Variants in UNC13C observed in about 807,000 individuals in gnomAD.
UNC13C encodes protein unc-13 homolog C.
Under a neutral mutation model 245.4 loss-of-function variants are expected in UNC13C, and 174 were observed. The observed-to-expected ratio is 0.71, with a 90% confidence interval of 0.63 to 0.80. The LOEUF (loss-of-function observed/expected upper bound fraction) is 0.80. UNC13C is among the 30% of genes least tolerant of loss of function. The probability of loss-of-function intolerance (pLI) is 0.00; values close to 1 mark genes in which losing one functional copy is unlikely to be tolerated. For synonymous variants in UNC13C, 992 were observed against 895.1 expected (o/e 1.11, Z -1.93); for missense variants, 2,829 against 2,602.9 (o/e 1.09, Z -1.89).
intron 4 of UNC13C, among the ~76,000 whole-genome samples, chr15:54,154,068 A>T (rs1595919345): frequency 6.6e-6 from 1 of 151,994 alleles, no homozygotes; most frequent in East Asian, 1.9e-4. Flanking sequence ...TGTACTAGCT[A>T]TTTTGAAATA....
the UNC13C span, among the ~76,000 whole-genome samples, chr15:53,928,850 A>G: frequency 1.3e-5 from 2 of 152,224 alleles, no homozygotes; most frequent in Non-Finnish European, 1.5e-5. Flanking sequence ...ATAACCAACA[A>G]TTTCAAGAGA....
intron 4 of UNC13C, among the ~76,000 whole-genome samples, chr15:54,173,817 T>C (rs1016835546): frequency 6.6e-6 from 1 of 152,138 alleles, no homozygotes; most frequent in Non-Finnish European, 1.5e-5. Context: ...TTCAGGCTTT[T>C]AGCATTCGTG....
At chr15:54,362,226 G>A (rs1466738328) in intron 17 of UNC13C, among the ~76,000 whole-genome samples, 1 of 152,186 alleles carries the variant, frequency 6.6e-6, no homozygotes, top group Admixed American at 6.5e-5. Context: ...TTTCCAGTGG[G>A]ATGGAACTGG....
intron 1 of UNC13C, among the ~76,000 whole-genome samples, chr15:53,989,830 G>T (rs1403859057): frequency 6.6e-6 from 1 of 151,990 alleles, no homozygotes; most frequent in South Asian, 2.1e-4. Flanking sequence ...TTAAAAGGGG[G>T]CTAATCCTAA....
At chr15:54,622,452 C>A (rs749318105) in intron 31 of UNC13C, 33 bp downstream of exon 31, 28 of 1,467,472 alleles carry the variant, frequency 1.9e-5, no homozygotes, top group Admixed American at 3.4e-5. Flanking sequence ...TCAAAACAGC[C>A]TTCTAAACTT....
intron 2 of UNC13C, among the ~76,000 whole-genome samples, chr15:54,110,219 G>T (rs1448251872): frequency 6.6e-6 from 1 of 151,814 alleles, no homozygotes; most frequent in Non-Finnish European, 1.5e-5. Context: ...GGCAGAGGTT[G>T]CAGTGAGCCA....
chr15:53,946,303 T>A, the UNC13C span, among the ~76,000 whole-genome samples: 1 of 152,132 alleles, frequency 6.6e-6, no homozygotes, highest in Non-Finnish European at 1.5e-5. Flanking sequence ...GACATCCTTG[T>A]CTTGTGCTGG....
At chr15:54,018,458 T>C (rs985391055) in intron 2 of UNC13C, among the ~76,000 whole-genome samples, 1 of 152,216 alleles carries the variant, frequency 6.6e-6, no homozygotes, top group Admixed American at 6.5e-5. Context: ...AAAACTCCAA[T>C]GTTTATAGAT....
chr15:54,596,169 T>C (rs1899072369), intron 30 of UNC13C, among the ~76,000 whole-genome samples: 1 of 152,204 alleles, frequency 6.6e-6, no homozygotes. Flanking sequence ...ATGTGTTAAG[T>C]TCCATCTCAG....
the UNC13C span, among the ~76,000 whole-genome samples, chr15:53,935,389 A>G: frequency 1.3e-5 from 2 of 152,158 alleles, no homozygotes; most frequent in African/African-American, 4.8e-5. Context: ...ACTTTTCTGC[A>G]TCTGGTTCTA....
At chr15:53,991,983 A>G (rs908709614) in intron 1 of UNC13C, among the ~76,000 whole-genome samples, 1 of 152,044 alleles carries the variant, frequency 6.6e-6, no homozygotes, top group African/African-American at 2.4e-5. Context: ...CTGGCATTAT[A>G]TAGTATATTC....
At chr15:54,352,819 C>T (rs564690550) in intron 17 of UNC13C, among the ~76,000 whole-genome samples, 1 of 152,082 alleles carries the variant, frequency 6.6e-6, no homozygotes, top group African/African-American at 2.4e-5. Context: ...GTTTTATTTT[C>T]CTTAAATATG....
chr15:54,619,641 A>G (rs557337212), intron 30 of UNC13C, among the ~76,000 whole-genome samples: 211 of 152,290 alleles, frequency 1.4e-3, no homozygotes, highest in Middle Eastern at 3.4e-3. Context: ...GCAATTACAC[A>G]CATTTAATAT....
intron 10 of UNC13C, among the ~76,000 whole-genome samples, chr15:54,283,927 A>T (rs987066517): frequency 6.6e-6 from 1 of 152,164 alleles, no homozygotes; most frequent in Non-Finnish European, 1.5e-5. Flanking sequence ...ATACATATTG[A>T]CCTTGAAAGT....
intron 17 of UNC13C, among the ~76,000 whole-genome samples, chr15:54,347,797 G>A (rs1196740879): frequency 6.6e-6 from 1 of 152,062 alleles, no homozygotes; most frequent in East Asian, 1.9e-4. Flanking sequence ...TATATGCTTA[G>A]TCTCTTTGTT....
At chr15:53,852,887 G>A in the UNC13C span, among the ~76,000 whole-genome samples, 1 of 152,016 alleles carries the variant, frequency 6.6e-6, no homozygotes, top group Non-Finnish European at 1.5e-5. Context: ...AATGGTGAAA[G>A]AAAGAAAAAT....
chr15:54,129,848 T>G (rs147105805), intron 2 of UNC13C, among the ~76,000 whole-genome samples: 207 of 151,752 alleles, frequency 1.4e-3, no homozygotes, highest in African/African-American at 4.7e-3. Context: ...AAGTCTTTAT[T>G]TATACTCATT....
intron 24 of UNC13C, among the ~76,000 whole-genome samples, chr15:54,513,918 C>G (rs1463741523): frequency 6.6e-6 from 1 of 151,892 alleles, no homozygotes; most frequent in Admixed American, 6.6e-5. Context: ...GTTCCATTTT[C>G]AGCTCAAAGT....
chr15:54,589,214 G>C (rs1371254023), intron 30 of UNC13C, among the ~76,000 whole-genome samples: 1 of 145,648 alleles, frequency 6.9e-6, no homozygotes, highest in Non-Finnish European at 1.5e-5. Flanking sequence ...GTTTTGATTT[G>C]CATTTCGTTG....
Sources: allele counts gnomAD v4.1 joint callset (sites outside exome capture counted in the v4.1 genomes callset), GRCh38; gene constraint gnomAD v4.1.1; transcripts MANE v1.5; gene names NCBI Gene and HGNC (gene_info 2026-07-23, HGNC 2026-07-21).